TENM1: variants seen among roughly 807,000 people sequenced by gnomAD.
TENM1 encodes teneurin-1.
TENM1 carries 35 observed loss-of-function variants against 174.8 expected under a neutral mutation model. That is an observed-to-expected ratio of 0.20 (90% CI 0.15 to 0.27). The LOEUF (loss-of-function observed/expected upper bound fraction) is 0.27. TENM1 is among the 10% of genes least tolerant of loss of function. The probability of loss-of-function intolerance (pLI) is 1.00; values close to 1 mark genes in which losing one functional copy is unlikely to be tolerated. For synonymous variants in TENM1, 781 were observed against 798.7 expected (o/e 0.98, Z 0.37); for missense variants, 1,633 against 2,130.1 (o/e 0.77, Z 4.59).
At chrX:125,147,892 A>G in the TENM1 span, among the ~76,000 whole-genome samples, 4 of 112,095 alleles carry the variant, frequency 3.6e-5, no homozygotes, top group Admixed American at 2.8e-4. Flanking sequence ...ATAAAGTATC[A>G]GCCTTACTTC....
chrX:124,457,126 C>T (rs2061117761), intron 22 of TENM1, among the ~76,000 whole-genome samples: 1 of 111,945 alleles, frequency 8.9e-6, no homozygotes, highest in Non-Finnish European at 1.9e-5. Flanking sequence ...AGCTTGAGTC[C>T]CCTCAATTTA....
intron 20 of TENM1, among the ~76,000 whole-genome samples, chrX:124,495,295 G>A (rs1294851530): frequency 1.0e-4 from 11 of 108,679 alleles, no homozygotes; most frequent in African/African-American, 3.7e-4. Context: ...GTGTTTTTTG[G>A]CTGCATAAAT....
At position 124,761,189 on chromosome X, in the gene TENM1, C is replaced by T. The variant is rs1758370566; in HGVS notation, c.536-23992G>A. 1.8e-5 allele frequency among the ~76,000 whole-genome samples: 2 copies of T among 111,238 alleles called. 1 individual carries two copies. The highest frequency in any genetic ancestry group is 1.9e-4 in the Admixed American group (2 of 10,463). ...ACCATTTGACCCAGCCATCCCATTA[C>T]TGGGTATATACCCAAAGGATTACAA... On this transcript the variant is annotated intron_variant, in intron 3 of 31. Coordinates refer to ENST00000422452, the Ensembl canonical transcript of TENM1.
At chrX:125,143,857 C>T in the TENM1 span, among the ~76,000 whole-genome samples, 2 of 111,482 alleles carry the variant, frequency 1.8e-5, no homozygotes, top group Non-Finnish European at 3.8e-5. Context: ...TTTTAAAAAT[C>T]TGGATAATTT....
intron 3 of TENM1, among the ~76,000 whole-genome samples, chrX:124,778,877 T>C (rs1168105270): frequency 8.9e-6 from 1 of 112,096 alleles, no homozygotes; most frequent in Non-Finnish European, 1.9e-5. Context: ...TGTATAAAAA[T>C]TTAAGTGAAA....
At chrX:124,554,096 G>A (rs183944352) in intron 14 of TENM1, among the ~76,000 whole-genome samples, 52 of 111,135 alleles carry the variant, frequency 4.7e-4, no homozygotes, top group African/African-American at 1.5e-3. Flanking sequence ...GTGACAGAGC[G>A]AGACTCCATC....
chrX:124,400,066 A>C (rs1365646833), intron 27 of TENM1, among the ~76,000 whole-genome samples: 1 of 111,912 alleles, frequency 8.9e-6, no homozygotes, highest in Non-Finnish European at 1.9e-5. Flanking sequence ...GATATAGGAA[A>C]TCTCCTGTCT....
intron 15 of TENM1, among the ~76,000 whole-genome samples, chrX:124,537,596 T>C: frequency 8.9e-6 from 1 of 112,031 alleles, no homozygotes. Flanking sequence ...AAGATGGTGC[T>C]ATCTACAGAA....
At chrX:124,463,634 T>C (rs1232995289) in intron 22 of TENM1, among the ~76,000 whole-genome samples, 1 of 111,039 alleles carries the variant, frequency 9.0e-6, no homozygotes, top group Non-Finnish European at 1.9e-5. Flanking sequence ...TACTACACTA[T>C]TAAATTATTG....
At chrX:124,584,214 A>G (rs1488271506) in intron 11 of TENM1, among the ~76,000 whole-genome samples, 1 of 109,486 alleles carries the variant, frequency 9.1e-6, no homozygotes. Flanking sequence ...GAGAAGAGCA[A>G]CTCCAAGACA....
the TENM1 span, among the ~76,000 whole-genome samples, chrX:125,176,131 A>G: frequency 8.9e-6 from 1 of 111,867 alleles, no homozygotes; most frequent in Non-Finnish European, 1.9e-5. Flanking sequence ...TCTGTTTTCT[A>G]TGTCATCACT....
intron 25 of TENM1, among the ~76,000 whole-genome samples, chrX:124,407,535 A>G (rs768260765): frequency 1.8e-5 from 2 of 112,425 alleles, no homozygotes; most frequent in South Asian, 7.3e-4. Flanking sequence ...CCCTCCCCCA[A>G]CGATTACACA....
chrX:125,184,168 G>T, the TENM1 span, among the ~76,000 whole-genome samples: 1 of 111,649 alleles, frequency 9.0e-6, no homozygotes, highest in Non-Finnish European at 1.9e-5. Flanking sequence ...ATTTTTATAA[G>T]TGTGCATTCT....
intron 1 of TENM1, among the ~76,000 whole-genome samples, chrX:124,905,065 C>A (rs762776043): frequency 9.0e-6 from 1 of 111,139 alleles, no homozygotes; most frequent in African/African-American, 3.3e-5. Flanking sequence ...TGGCTCTTGA[C>A]TATAATCCCA....
chrX:125,101,533 T>C, the TENM1 span, among the ~76,000 whole-genome samples: 4 of 111,949 alleles, frequency 3.6e-5, no homozygotes, highest in Non-Finnish European at 7.5e-5. Context: ...TGGAGCCCCA[T>C]GTTTGCTTAG....
At chrX:124,510,703 A>G (rs1449504569) in intron 18 of TENM1, among the ~76,000 whole-genome samples, 2 of 110,539 alleles carry the variant, frequency 1.8e-5, no homozygotes, top group Admixed American at 9.7e-5. Flanking sequence ...AATGGCTTTT[A>G]AACTTTCATG....
At chrX:124,434,136 A>T (rs745477605) in intron 23 of TENM1, among the ~76,000 whole-genome samples, 23 of 111,547 alleles carry the variant, frequency 2.1e-4, no homozygotes, top group Middle Eastern at 4.6e-3. Flanking sequence ...CTTCAGTTTT[A>T]AAAAAAATCA....
intron 27 of TENM1, among the ~76,000 whole-genome samples, chrX:124,403,859 G>T (rs1220790840): frequency 2.7e-5 from 3 of 111,404 alleles, no homozygotes; most frequent in Non-Finnish European, 5.7e-5. Context: ...AACTCATTCA[G>T]ATTACCTGCT....
At chrX:124,633,039 A>G (rs781740977) in intron 11 of TENM1, among the ~76,000 whole-genome samples, 4 of 112,254 alleles carry the variant, frequency 3.6e-5, no homozygotes, top group African/African-American at 1.3e-4. Flanking sequence ...CTTTCTCCAT[A>G]GGATCTCTCA....
Sources: gnomAD v4.1 joint callset for allele counts (sites outside exome capture counted in the v4.1 genomes callset) on GRCh38, gnomAD v4.1.1 for gene constraint, MANE v1.5 for transcripts, NCBI Gene and HGNC (gene_info 2026-07-23, HGNC 2026-07-21) for gene names.